The following CNTN4 variants were observed in gnomAD, a reference collection of about 807,000 sequenced individuals.
The protein encoded by CNTN4 is contactin-4.
CNTN4 carries 77 observed loss-of-function variants against 122.5 expected under a neutral mutation model. The ratio of observed to expected loss-of-function variants is 0.63; its 90% CI spans 0.52 to 0.76. The LOEUF (loss-of-function observed/expected upper bound fraction) is 0.76. CNTN4 is among the 30% of genes least tolerant of loss of function. The probability of loss-of-function intolerance (pLI) is 0.00; values close to 1 mark genes in which losing one functional copy is unlikely to be tolerated. For synonymous variants in CNTN4, 512 were observed against 447.0 expected, an observed-to-expected ratio of 1.15 and a Z score of -1.83; for missense variants, 1,256 against 1,259.1, an observed-to-expected ratio of 1.00 and a Z score of 0.04.
rs2039565973 is a variant in CNTN4, at chr3:2,233,467, C to G, written c.-144-105711C>G. On this transcript the variant is annotated intron_variant, in intron 2 of 24. Transcript: ENST00000418658. ...CGTTAGGGCTATATGCATTGATTAG[C>G]ATATAGATGGCTATTCTGAACTAGG... Among the ~76,000 whole-genome samples the G allele has an allele frequency of 1.3e-5, 2 of 152,110 alleles. 1 individual carries two copies. The highest frequency in any genetic ancestry group is 4.1e-4 in the South Asian group (2 of 4,822).
At chr3:2,264,567 A>G (rs765164530) in intron 2 of CNTN4, among the ~76,000 whole-genome samples, 3 of 152,066 alleles carry the variant, frequency 2.0e-5, no homozygotes, top group Non-Finnish European at 4.4e-5. Flanking sequence ...TTTGTAAGTT[A>G]TCTCTTCACT....
intron 3 of CNTN4, among the ~76,000 whole-genome samples, chr3:2,431,433 G>T (rs1262287152): frequency 2.0e-5 from 3 of 152,218 alleles, no homozygotes; most frequent in African/African-American, 4.8e-5. Flanking sequence ...TTATGGAGGA[G>T]AATGGGATAG....
At chr3:2,603,969 A>G (rs981943512) in intron 4 of CNTN4, among the ~76,000 whole-genome samples, 1 of 152,308 alleles carries the variant, frequency 6.6e-6, no homozygotes, top group East Asian at 1.9e-4. Flanking sequence ...GGTCATTCAG[A>G]GACCTGGGCT....
intron 3 of CNTN4, among the ~76,000 whole-genome samples, chr3:2,442,964 A>G (rs1464348733): frequency 6.6e-6 from 1 of 152,254 alleles, no homozygotes; most frequent in Middle Eastern, 3.4e-3. Context: ...AGTAATTTAC[A>G]TAAAATAGTA....
At chr3:2,227,239 C>G (rs1489485907) in intron 2 of CNTN4, among the ~76,000 whole-genome samples, 35 of 152,104 alleles carry the variant, frequency 2.3e-4, no homozygotes, top group Admixed American at 2.3e-3. Flanking sequence ...TATATTTTCA[C>G]TTTTCATTGT....
Position 3,037,176 on chromosome 3 carries a change from C to A in CNTN4, c.1943-3C>A. ...ACAGCCCCCACCTTTTGTTGTCTTT[C>A]AGTCCCAGAACTCATTGATGGGAAG... On this transcript the variant is annotated splice_polypyrimidine_tract_variant and splice_region_variant and intron_variant, in intron 17 of 24. Transcript: ENST00000418658. 1 of 1,614,168 alleles carries A rather than the reference C, an allele frequency of 6.2e-7. No individual in the cohort carries two copies. The highest frequency in any genetic ancestry group is 8.5e-7 in the Non-Finnish European group (1 of 1,180,006).
intron 3 of CNTN4, chr3:2,362,129 C>CT (rs2150553499): frequency 6.5e-6 from 1 of 154,172 alleles, no homozygotes; most frequent in East Asian, 1.9e-4. Flanking sequence ...TGACTAAGTG[C>CT]AGCAGTTAAG....
At chr3:2,109,516 G>C (rs1277157281) in intron 2 of CNTN4, among the ~76,000 whole-genome samples, 3 of 152,130 alleles carry the variant, frequency 2.0e-5, no homozygotes, top group Non-Finnish European at 4.4e-5. Flanking sequence ...AATCTTGAGT[G>C]TCCATGTTGC....
chr3:2,336,086 A>G (rs1178546), intron 2 of CNTN4, among the ~76,000 whole-genome samples: 102,183 of 151,436 alleles, frequency 0.67, 35,094 homozygotes, highest in East Asian at 0.95. Flanking sequence ...GTGGTATGCT[A>G]AAGACATGTG....
intron 3 of CNTN4, among the ~76,000 whole-genome samples, chr3:2,493,163 T>C (rs1444124737): frequency 6.6e-6 from 1 of 152,158 alleles, no homozygotes; most frequent in Non-Finnish European, 1.5e-5. Flanking sequence ...GAGTGTGTCA[T>C]ACTTTTTCTG....
In CNTN4 at chr3:2,956,299, G is replaced by A. The variant is rs2094798794; in HGVS notation, c.1358+30520G>A. 3.3e-5 allele frequency among the ~76,000 whole-genome samples: 5 copies of A among 152,252 alleles called. No homozygotes were observed. The South Asian group carries it at 1.0e-3, about 32-fold the overall frequency. On this transcript the variant is annotated intron_variant, in intron 13 of 24. Transcript: ENST00000418658. ...GGTGATGGGAAGGGGGTAATGGGAA[G>A]TCATTGTTTAGATGGGTAAAGAGTT...
intron 3 of CNTN4, among the ~76,000 whole-genome samples, chr3:2,490,804 T>A (rs149625127): frequency 6.6e-6 from 1 of 152,188 alleles, no homozygotes; most frequent in African/African-American, 2.4e-5. Context: ...CTCATTCCCG[T>A]ATGCTATACT....
At chr3:2,749,630 G>A (rs976484497) in intron 6 of CNTN4, among the ~76,000 whole-genome samples, 19 of 151,862 alleles carry the variant, frequency 1.3e-4, no homozygotes, top group Non-Finnish European at 2.5e-4. Flanking sequence ...CCTGTGTTAC[G>A]TGCCTGTTCA....
chr3:2,571,642 G>T (rs2079423841), intron 4 of CNTN4, 84 bp downstream of exon 4: 2 of 993,052 alleles, frequency 2.0e-6, no homozygotes, highest in African/African-American at 3.2e-5. Flanking sequence ...ACTTTAGACG[G>T]CAATGATAAA....
chr3:2,764,468 C>G (rs2090747891), intron 6 of CNTN4, among the ~76,000 whole-genome samples: 1 of 152,176 alleles, frequency 6.6e-6, no homozygotes, highest in Admixed American at 6.5e-5. Flanking sequence ...GAAGACCTGC[C>G]TGTGTGGCTG....
At chr3:2,642,670 T>A (rs2082946543) in intron 4 of CNTN4, among the ~76,000 whole-genome samples, 1 of 152,206 alleles carries the variant, frequency 6.6e-6, no homozygotes, top group African/African-American at 2.4e-5. Flanking sequence ...GTAGCTTCCC[T>A]GTATTTGATG....
At chr3:2,969,402 T>A (rs1181292883) in intron 13 of CNTN4, among the ~76,000 whole-genome samples, 1 of 152,138 alleles carries the variant, frequency 6.6e-6, no homozygotes, top group Non-Finnish European at 1.5e-5. Flanking sequence ...TGATGCTCTA[T>A]CTTTGGCCAT....
At chr3:2,820,880 T>G in intron 7 of CNTN4, among the ~76,000 whole-genome samples, 1 of 151,520 alleles carries the variant, frequency 6.6e-6, no homozygotes, top group Non-Finnish European at 1.5e-5. Context: ...CAGTTAGGAA[T>G]GCACTTGACT....
intron 5 of CNTN4, among the ~76,000 whole-genome samples, chr3:2,740,436 GATAAC>G (rs1314379108): frequency 8.5e-5 from 13 of 152,198 alleles, no homozygotes; most frequent in South Asian, 2.1e-4. Flanking sequence ...TCCTTCAAAT[GATAAC>G]ATACATGATA....
Sources: allele counts gnomAD v4.1 joint callset (sites outside exome capture counted in the v4.1 genomes callset), GRCh38; gene constraint gnomAD v4.1.1; transcripts MANE v1.5; gene names NCBI Gene and HGNC (gene_info 2026-07-23, HGNC 2026-07-21).